Variants in CHN1 observed in about 807,000 individuals in gnomAD.
The protein encoded by CHN1 is N-chimaerin.
Under a neutral mutation model 59.5 loss-of-function variants are expected in CHN1, and 37 were observed. The observed-to-expected ratio is 0.62, with a 90% CI of 0.48 to 0.82. The LOEUF is 0.82. Ranked by LOEUF, CHN1 falls within the 40% of genes least tolerant of loss-of-function variation. CHN1 has a pLI of 0.00. For synonymous variants in CHN1, 206 were observed against 200.4 expected, an observed-to-expected ratio of 1.03 and a Z score of -0.24; for missense variants, 469 against 571.0, an observed-to-expected ratio of 0.82 and a Z score of 1.82.
chr2:174,934,269 A>G (rs766920785), intron 3 of CHN1, among the ~76,000 whole-genome samples: 2 of 152,146 alleles, frequency 1.3e-5, no homozygotes, highest in Non-Finnish European at 2.9e-5. Flanking sequence ...GTAATGGGAG[A>G]CAGTGACAGA....
At chr2:174,965,096 T>C (rs891791048) in intron 1 of CHN1, among the ~76,000 whole-genome samples, 1 of 152,114 alleles carries the variant, frequency 6.6e-6, no homozygotes, top group Middle Eastern at 3.4e-3. Context: ...ACTTAGGAGA[T>C]ACTCAAAAGT....
At chr2:174,831,675 A>G (rs1022723939) in intron 7 of CHN1, among the ~76,000 whole-genome samples, 3 of 152,172 alleles carry the variant, frequency 2.0e-5, no homozygotes, top group Non-Finnish European at 4.4e-5. Context: ...GCTTCTTTTA[A>G]GTTTCAGAAG....
intron 1 of CHN1, among the ~76,000 whole-genome samples, chr2:174,987,343 G>A (rs1312080201): frequency 6.6e-6 from 1 of 151,846 alleles, no homozygotes; most frequent in East Asian, 1.9e-4. Context: ...GATTTACATG[G>A]CACTGCCATA....
intron 7 of CHN1, 115 bp from the exon 8 acceptor site, chr2:174,824,633 A>ATATAT: frequency 9.8e-5 from 34 of 346,384 alleles, no homozygotes; most frequent in Middle Eastern, 7.3e-4. Context: ...TATATATATG[A>ATATAT]GAGAAAGAGA....
intron 1 of CHN1, among the ~76,000 whole-genome samples, chr2:174,976,164 T>C (rs1327647838): frequency 2.7e-5 from 4 of 150,698 alleles, no homozygotes; most frequent in Non-Finnish European, 4.4e-5. Flanking sequence ...AGGACTAAGA[T>C]TTTGGCTTTC....
At chr2:174,860,991 C>T (rs1462854292) in intron 6 of CHN1, among the ~76,000 whole-genome samples, 1 of 152,120 alleles carries the variant, frequency 6.6e-6, no homozygotes, top group Non-Finnish European at 1.5e-5. Flanking sequence ...ATAAACTCTC[C>T]TCCTCAATCT....
chr2:174,839,233 C>T (rs1686203459), intron 7 of CHN1, among the ~76,000 whole-genome samples: 1 of 152,050 alleles, frequency 6.6e-6, no homozygotes, highest in Non-Finnish European at 1.5e-5. Context: ...TATTCTTATA[C>T]ATTGTTATTA....
At chr2:174,992,827 A>G (rs1455483723) in intron 1 of CHN1, among the ~76,000 whole-genome samples, 1 of 151,764 alleles carries the variant, frequency 6.6e-6, no homozygotes, top group African/African-American at 2.4e-5. Flanking sequence ...TAAGAGACAG[A>G]GTCTGACTCT....
chr2:174,920,733 G>A (rs1352404296), intron 3 of CHN1, among the ~76,000 whole-genome samples: 2 of 152,188 alleles, frequency 1.3e-5, no homozygotes, highest in Admixed American at 1.3e-4. Context: ...TTTGGCACCA[G>A]GGACTGGTTT....
intron 1 of CHN1, among the ~76,000 whole-genome samples, chr2:174,972,441 C>T (rs763086487): frequency 2.6e-5 from 4 of 152,146 alleles, no homozygotes; most frequent in Non-Finnish European, 4.4e-5. Flanking sequence ...GCTAAACATT[C>T]CTGCTAGAAT....
chr2:174,965,857 AT>A (rs1319676028), intron 1 of CHN1, among the ~76,000 whole-genome samples: 1 of 152,206 alleles, frequency 6.6e-6, no homozygotes, highest in Non-Finnish European at 1.5e-5. Flanking sequence ...CTATAAAGTG[AT>A]TTTTGAAACA....
intron 1 of CHN1, among the ~76,000 whole-genome samples, chr2:174,976,992 G>T (rs934459342): frequency 3.3e-5 from 5 of 152,202 alleles, no homozygotes; most frequent in African/African-American, 1.2e-4. Context: ...CCTTCCTGTT[G>T]AATGACTATG....
chr2:174,874,094 A>G (rs1384333621), intron 6 of CHN1, among the ~76,000 whole-genome samples: 1 of 152,222 alleles, frequency 6.6e-6, no homozygotes, highest in African/African-American at 2.4e-5. Flanking sequence ...ATTAACAATT[A>G]TGTGAGACAT....
chr2:174,943,860 G>A lies in CHN1; in HGVS notation c.114+1028C>T, dbSNP rs138662461. On this transcript the variant is annotated intron_variant, in intron 3 of 12. Coordinates refer to ENST00000409900, the MANE Select transcript of CHN1 (RefSeq NM_001822.7). ...TTTGTGGAGAACAAGGTCTCACTATGTTGCCCAGGCTGGTCTTGAACTCCT... is the reference window on the plus strand; with the variant it reads ...TTTGTGGAGAACAAGGTCTCACTATATTGCCCAGGCTGGTCTTGAACTCCT... Among the ~76,000 whole-genome samples the A allele has an allele frequency of 4.4e-3, 672 of 152,196 alleles. 6 individuals are homozygous for A. Among genetic ancestry groups the A allele is most frequent in the African/African-American group, 0.015 (633 of 41,526 alleles).
At chr2:174,901,560 T>C (rs1293066960) in intron 5 of CHN1, among the ~76,000 whole-genome samples, 3 of 152,240 alleles carry the variant, frequency 2.0e-5, no homozygotes, top group African/African-American at 7.2e-5. Context: ...TTCATTAAAG[T>C]CTAATCCTCT....
chr2:174,962,767 G>A lies in CHN1; in HGVS notation c.20-10565C>T, dbSNP rs530156311. The stretch of plus-strand genomic sequence containing the variant: ...TCTACTAAAAATACAAAAATTAGCC[G>A]GGCATGATGGCATGCATCTGTAATC... On this transcript the variant is annotated intron_variant, in intron 1 of 12. Transcript: ENST00000409900. Among the ~76,000 whole-genome samples the A allele has an allele frequency of 1.1e-3, 164 of 149,920 alleles. 1 individual carries two copies. Among genetic ancestry groups the A allele is most frequent in the South Asian group, 6.4e-4 (3 of 4,680 alleles).
chr2:174,970,674 G>T (rs1220430674), intron 1 of CHN1, among the ~76,000 whole-genome samples: 1 of 152,122 alleles, frequency 6.6e-6, no homozygotes, highest in Non-Finnish European at 1.5e-5. Context: ...GTGGGCAAAA[G>T]ATCCAGTCAA....
intron 7 of CHN1, among the ~76,000 whole-genome samples, chr2:174,838,245 C>A (rs1686161590): frequency 6.6e-6 from 1 of 152,128 alleles, no homozygotes; most frequent in Non-Finnish European, 1.5e-5. Context: ...AGGCATGCAC[C>A]ATCACGCCCG....
At chr2:174,947,032 G>A (rs982913254) in intron 2 of CHN1, among the ~76,000 whole-genome samples, 7 of 150,874 alleles carry the variant, frequency 4.6e-5, no homozygotes, top group Admixed American at 4.6e-4. Context: ...CCTTTGTCAA[G>A]AAAATGCTCT....
Sources: gnomAD v4.1 joint callset for allele counts (sites outside exome capture counted in the v4.1 genomes callset) on GRCh38, gnomAD v4.1.1 for gene constraint, MANE v1.5 for transcripts, NCBI Gene and HGNC (gene_info 2026-07-23, HGNC 2026-07-21) for gene names.